SLIT3: variants seen among roughly 807,000 people sequenced by gnomAD.
The protein encoded by SLIT3 is slit guidance ligand 3.
In SLIT3, 68 loss-of-function variants were observed where a neutral mutation model predicts 184.0. The observed-to-expected ratio is 0.37, with a 90% CI of 0.30 to 0.45. The LOEUF is 0.45. Ranked by LOEUF, SLIT3 falls within the 20% of genes least tolerant of loss-of-function variation. SLIT3 has a pLI of 1.00. For synonymous variants in SLIT3, 831 were observed against 828.6 expected (o/e 1.00, Z -0.05); for missense variants, 1,707 against 2,026.0 (o/e 0.84, Z 3.02).
chr5:168,946,047 G>A (rs1423089288), intron 4 of SLIT3, among the ~76,000 whole-genome samples: 5 of 152,120 alleles, frequency 3.3e-5, no homozygotes, highest in African/African-American at 4.8e-5. Context: ...TAATTCTTAC[G>A]ACAATGCTAG....
chr5:169,247,269 A>G (rs1765625523), intron 2 of SLIT3, among the ~76,000 whole-genome samples: 1 of 151,746 alleles, frequency 6.6e-6, no homozygotes, highest in African/African-American at 2.4e-5. Context: ...CCATTCCACC[A>G]TATGCAAGGA....
chr5:168,983,484 T>C (rs149834242), intron 4 of SLIT3, among the ~76,000 whole-genome samples: 11 of 152,362 alleles, frequency 7.2e-5, no homozygotes, highest in African/African-American at 2.6e-4. Context: ...GTCTGGTTTC[T>C]CCGCAGCTAA....
At chr5:168,723,313 C>A (rs1454987388) in intron 21 of SLIT3, among the ~76,000 whole-genome samples, 1 of 151,668 alleles carries the variant, frequency 6.6e-6, no homozygotes, top group African/African-American at 2.4e-5. Flanking sequence ...CCTGCCCATC[C>A]ATCCATCCCA....
chr5:168,938,734 G>A (rs141659223), intron 4 of SLIT3, among the ~76,000 whole-genome samples: 3 of 152,168 alleles, frequency 2.0e-5, no homozygotes, highest in Non-Finnish European at 2.9e-5. Flanking sequence ...GGGTTCAAGC[G>A]ATTCTCCCGC....
At chr5:169,096,264 G>A (rs1482400476) in intron 4 of SLIT3, among the ~76,000 whole-genome samples, 3 of 152,178 alleles carry the variant, frequency 2.0e-5, no homozygotes, top group Non-Finnish European at 4.4e-5. Context: ...CATTTAGATT[G>A]TTTCCAGCTA....
At chr5:169,244,874 C>A (rs1215754633) in intron 2 of SLIT3, 98 bp from the exon 3 acceptor site, 1 of 1,007,424 alleles carries the variant, frequency 9.9e-7, no homozygotes, top group East Asian at 2.4e-5. Flanking sequence ...TCAGCCCTTC[C>A]CATGATCGTC....
At chr5:169,032,561 G>T (rs1581329989) in intron 4 of SLIT3, among the ~76,000 whole-genome samples, 1 of 141,866 alleles carries the variant, frequency 7.0e-6, no homozygotes, top group Admixed American at 7.0e-5. Flanking sequence ...TTTTACTTAA[G>T]TTGAACTTAT....
intron 4 of SLIT3, among the ~76,000 whole-genome samples, chr5:168,928,154 C>G (rs191025303): frequency 6.6e-6 from 1 of 152,216 alleles, no homozygotes; most frequent in Admixed American, 6.5e-5. Context: ...GTGGCATGTT[C>G]CAAATTTTTG....
intron 27 of SLIT3, among the ~76,000 whole-genome samples, chr5:168,696,803 C>G (rs1762078461): frequency 6.6e-6 from 1 of 152,176 alleles, no homozygotes; most frequent in South Asian, 2.1e-4. Context: ...TTTGGCTCTT[C>G]TGAGGCACAA....
intron 32 of SLIT3, among the ~76,000 whole-genome samples, chr5:168,682,885 G>A (rs1761632472): frequency 6.6e-6 from 1 of 151,740 alleles, no homozygotes; most frequent in Non-Finnish European, 1.5e-5. Flanking sequence ...ATGATTTTAG[G>A]TGTAACACAG....
At chr5:168,736,400 A>G (rs1052634619) in intron 20 of SLIT3, among the ~76,000 whole-genome samples, 8 of 152,172 alleles carry the variant, frequency 5.3e-5, no homozygotes, top group African/African-American at 1.9e-4. Flanking sequence ...CAAAGATGTG[A>G]TCAACCCCTC....
At chr5:169,282,699 T>C (rs1200337569) in intron 1 of SLIT3, among the ~76,000 whole-genome samples, 1 of 152,192 alleles carries the variant, frequency 6.6e-6, no homozygotes, top group Non-Finnish European at 1.5e-5. Context: ...AAAACTGTGC[T>C]AGAAGCAACA....
At chr5:168,850,078 G>T (rs768942566) in intron 5 of SLIT3, among the ~76,000 whole-genome samples, 5 of 151,898 alleles carry the variant, frequency 3.3e-5, no homozygotes, top group Non-Finnish European at 4.4e-5. Context: ...AAAAAATAAA[G>T]CTCAAGGTTA....
At chr5:169,083,815 C>G (rs1055347968) in intron 4 of SLIT3, among the ~76,000 whole-genome samples, 6 of 152,168 alleles carry the variant, frequency 3.9e-5, no homozygotes, top group African/African-American at 1.4e-4. Context: ...TGACCTGGAA[C>G]TCTTCCTGTT....
At chr5:168,900,815 A>T (rs958757241) in intron 4 of SLIT3, among the ~76,000 whole-genome samples, 2 of 152,176 alleles carry the variant, frequency 1.3e-5, no homozygotes, top group Admixed American at 6.5e-5. Flanking sequence ...TTGCAGCAAC[A>T]TGGATGGAAC....
chr5:168,991,284 T>C (rs765319690), intron 4 of SLIT3, among the ~76,000 whole-genome samples: 19 of 152,320 alleles, frequency 1.2e-4, no homozygotes, highest in Non-Finnish European at 2.2e-4. Flanking sequence ...TGTAATCCCA[T>C]TTTTGAGCTA....
chr5:169,071,965 A>G (rs1230247645), intron 4 of SLIT3, among the ~76,000 whole-genome samples: 1 of 152,136 alleles, frequency 6.6e-6, no homozygotes, highest in Non-Finnish European at 1.5e-5. Flanking sequence ...GCTCCCTTTG[A>G]TGTTGCTTGG....
intron 4 of SLIT3, among the ~76,000 whole-genome samples, chr5:169,081,148 C>A (rs1395780753): frequency 6.6e-6 from 1 of 152,222 alleles, no homozygotes; most frequent in African/African-American, 2.4e-5. Flanking sequence ...CCTGGCCCAC[C>A]AGGTGCCTGC....
In SLIT3 at chr5:168,671,290, G is replaced by A. The variant is rs757943446; in HGVS notation, c.4035C>T (p.Ser1345=). 1.1e-5 allele frequency: 17 copies of A among 1,613,880 alleles called. No homozygotes were observed. The South Asian group carries it at 1.3e-4, about 13-fold the overall frequency. ...CGCACACCACGCTGTCCTTCTCCAC[G>A]GAGCGGCACAGGCCGTGCTTGCACA... ...CTVCKHGLCR[S]VEKDSVVCEC... Residue 1345 remains serine, a synonymous_variant, in exon 34 of 36, where the codon TCC becomes TCT. Transcript: ENST00000519560.
Sources: allele counts gnomAD v4.1 joint callset (sites outside exome capture counted in the v4.1 genomes callset), GRCh38; gene constraint gnomAD v4.1.1; transcripts MANE v1.5; gene names NCBI Gene and HGNC (gene_info 2026-07-23, HGNC 2026-07-21).